ANKRD17: variants seen among roughly 807,000 people sequenced by gnomAD.
The protein encoded by ANKRD17 is ankyrin repeat domain 17.
A neutral mutation model predicts 229.7 loss-of-function variants in ANKRD17; 19 were observed. That is an observed-to-expected ratio of 0.08 (90% CI 0.06 to 0.12). The LOEUF (loss-of-function observed/expected upper bound fraction) is 0.12, where lower values mean the gene tolerates loss of function less well. ANKRD17 is among the 10% of genes least tolerant of loss of function. The pLI is 1.00. For missense variants in ANKRD17, 2,176 were observed against 3,176.8 expected (o/e 0.68, Z 7.57); for synonymous variants, 1,112 against 1,146.1 (o/e 0.97, Z 0.60).
chr4:73,083,715 T>C (rs1721800584), intron 30 of ANKRD17, among the ~76,000 whole-genome samples: 1 of 152,116 alleles, frequency 6.6e-6, no homozygotes, highest in South Asian at 2.1e-4. Context: ...TGTGCAAGGA[T>C]AATTAATATT....
chr4:73,120,018 A>G (rs1168194731), intron 21 of ANKRD17, 144 bp downstream of exon 21: 1 of 822,930 alleles, frequency 1.2e-6, no homozygotes, highest in Non-Finnish European at 1.9e-6. Context: ...TTGGAAAACA[A>G]TGGGTAGGTT....
chr4:73,172,224 C>G (rs1734132377), intron 2 of ANKRD17, among the ~76,000 whole-genome samples: 1 of 152,158 alleles, frequency 6.6e-6, no homozygotes, highest in Non-Finnish European at 1.5e-5. Context: ...CATCTAGCAG[C>G]AGACTTTTCA....
intron 1 of ANKRD17, among the ~76,000 whole-genome samples, chr4:73,185,976 A>G (rs1165896642): frequency 1.3e-5 from 2 of 152,060 alleles, no homozygotes; most frequent in Admixed American, 6.5e-5. Flanking sequence ...TTAAGAAATT[A>G]TAATAATTTC....
chr4:73,102,763 A>G, intron 24 of ANKRD17: 1 of 486,046 alleles, frequency 2.1e-6, no homozygotes, highest in South Asian at 3.2e-5. Flanking sequence ...ACTAATTTTA[A>G]AATGGGTAAA....
chr4:73,205,305 A>C (rs2149127227), intron 1 of ANKRD17, among the ~76,000 whole-genome samples: 1 of 152,258 alleles, frequency 6.6e-6, no homozygotes, highest in East Asian at 1.9e-4. Context: ...GTGACAGAGT[A>C]AGACCATTTC....
intron 31 of ANKRD17, among the ~76,000 whole-genome samples, chr4:73,077,952 T>C (rs568049263): frequency 6.6e-6 from 1 of 152,320 alleles, no homozygotes; most frequent in South Asian, 2.1e-4. Flanking sequence ...TACAGATCTT[T>C]TAGAAATGAC....
chr4:73,163,369 G>A (rs545718625), intron 2 of ANKRD17, among the ~76,000 whole-genome samples: 2 of 152,286 alleles, frequency 1.3e-5, no homozygotes, highest in East Asian at 3.9e-4. Context: ...TAGAAGCACT[G>A]CTATCGCTTG....
At chr4:73,086,915 AAAAAATATATATATATATATAT>A (rs1413034202) in intron 29 of ANKRD17, among the ~76,000 whole-genome samples, 4 of 22,932 alleles carry the variant, frequency 1.7e-4, no homozygotes, top group African/African-American at 3.1e-4. Flanking sequence ...AAAAAAAAAA[AAAAAATATATATATATATATAT>A]ATATATATAT....
intron 18 of ANKRD17, among the ~76,000 whole-genome samples, chr4:73,122,580 T>A (rs537733447): frequency 1.1e-3 from 164 of 152,282 alleles, no homozygotes; most frequent in African/African-American, 3.7e-3. Context: ...TCTCATTTTA[T>A]AAATAAGATA....
intron 1 of ANKRD17, among the ~76,000 whole-genome samples, chr4:73,202,318 T>TAA (rs10533861): frequency 4.6e-5 from 1 of 21,938 alleles, no homozygotes; most frequent in African/African-American, 1.9e-4. Context: ...GGAACAGGAT[T>TAA]AAAAAAAAAA....
chr4:73,191,394 G>A (rs1737085326), intron 1 of ANKRD17, among the ~76,000 whole-genome samples: 1 of 65,616 alleles, frequency 1.5e-5, no homozygotes, highest in African/African-American at 6.3e-5. Flanking sequence ...TGTATCTCCA[G>A]ATGTAAAGGA....
chr4:73,208,832 C>T (rs187450801), intron 1 of ANKRD17, among the ~76,000 whole-genome samples: 1 of 152,054 alleles, frequency 6.6e-6, no homozygotes. Context: ...CAAATAATAA[C>T]CTAAGCTTCC....
At chr4:73,127,150 TTAAG>T (rs1296986608) in intron 16 of ANKRD17, among the ~76,000 whole-genome samples, 1 of 152,132 alleles carries the variant, frequency 6.6e-6, no homozygotes, top group Non-Finnish European at 1.5e-5. Context: ...CAGATATACT[TTAAG>T]TAGGGTGACA....
At chr4:73,189,004 G>A (rs1157696040) in intron 1 of ANKRD17, among the ~76,000 whole-genome samples, 1 of 152,168 alleles carries the variant, frequency 6.6e-6, no homozygotes, top group Non-Finnish European at 1.5e-5. Flanking sequence ...TATGTCCACT[G>A]AAGCAACGTC....
Position 73,148,799 on chromosome 4 carries a change from A to T in ANKRD17, c.1567+14T>A. 6.2e-7 allele frequency: 1 copy of T among 1,603,604 alleles called. No homozygotes were observed. The highest frequency in any genetic ancestry group is 8.5e-7 in the Non-Finnish European group (1 of 1,170,570). ...TACACATTTATACTTTAGTGTCTTG[A>T]TAGATACGGTTACCTTGACCAAGAA... On this transcript the variant is annotated intron_variant, in intron 8 of 33. Transcript: ENST00000358602.
chr4:73,108,035 G>A (rs535106307), intron 24 of ANKRD17, among the ~76,000 whole-genome samples: 61 of 152,296 alleles, frequency 4.0e-4, no homozygotes, highest in African/African-American at 1.4e-3. Flanking sequence ...GTCTCACACT[G>A]TTGCCTAAGC....
intron 16 of ANKRD17, among the ~76,000 whole-genome samples, chr4:73,125,761 A>C (rs1345837800): frequency 5.3e-5 from 8 of 151,574 alleles, no homozygotes; most frequent in South Asian, 2.1e-4. Context: ...AAAAGAAAAG[A>C]AAAGCAAGGT....
chr4:73,148,040 A>G lies in ANKRD17; in HGVS notation c.1568-608T>C, dbSNP rs367823782. ...ACTATCACAACAACCCTACACGAGA[A>G]AACTGAGGCACAGAAGGTTAGAAAC... is the stretch of plus-strand genomic sequence containing the variant. On this transcript the variant is annotated intron_variant, in intron 8 of 33. Transcript: ENST00000358602. 5.9e-5 allele frequency among the ~76,000 whole-genome samples: 9 copies of G among 152,292 alleles called. No individual in the cohort carries two copies. The South Asian group carries it at 1.9e-3, about 32-fold the overall frequency.
intron 1 of ANKRD17, among the ~76,000 whole-genome samples, chr4:73,210,585 GAAAC>G (rs1274510660): frequency 1.3e-5 from 2 of 152,044 alleles, no homozygotes; most frequent in African/African-American, 4.8e-5. Context: ...TTTTATTGTT[GAAAC>G]AAACAAGACC....
Sources: allele counts gnomAD v4.1 joint callset (sites outside exome capture counted in the v4.1 genomes callset), GRCh38; gene constraint gnomAD v4.1.1; transcripts MANE v1.5; gene names NCBI Gene and HGNC (gene_info 2026-07-23, HGNC 2026-07-21).